The following GABRG1 variants were observed in gnomAD, a reference collection of about 807,000 sequenced individuals.
The protein encoded by GABRG1 is gamma-aminobutyric acid type A receptor subunit gamma1.
In GABRG1, 49 loss-of-function variants were observed where a neutral mutation model predicts 49.8. The ratio of observed to expected loss-of-function variants is 0.98; its 90% CI spans 0.78 to 1.25. The LOEUF is 1.25. Among genes scored for constraint, GABRG1 ranks in the 50% most tolerant of loss-of-function variants. The pLI, the probability that GABRG1 is intolerant of heterozygous loss-of-function variation, is 0.00. For synonymous variants in GABRG1, 232 were observed against 185.1 expected (o/e 1.25, Z -2.06); for missense variants, 552 against 552.3 (o/e 1.00, Z 0.01).
chr4:46,039,108 A>G lies in GABRG1; in HGVS notation c.*1880T>C, dbSNP rs2109388801. On this transcript the variant is annotated 3_prime_UTR_variant, in exon 9 of 9. Transcript: ENST00000295452. ...TTAGTAAAGTATTTTATTCTTTATT[A>G]CTACTTTATTTTTTATTTATCCTTA... The G allele has an allele frequency of 6.6e-6, 1 of 151,872 alleles. No homozygotes were observed. The highest frequency in any genetic ancestry group is 2.1e-4 in the South Asian group (1 of 4,822). 9.4% of individuals were successfully genotyped at this position (151,872 alleles called of 1,614,324 possible).
intron 8 of GABRG1, among the ~76,000 whole-genome samples, chr4:46,045,862 G>A (rs1197194511): frequency 6.6e-6 from 1 of 151,856 alleles, no homozygotes; most frequent in Non-Finnish European, 1.5e-5. Flanking sequence ...AATACACCAG[G>A]TCAATAACTA....
In GABRG1 at chr4:46,063,083, G is replaced by T. The variant is rs1025173114; in HGVS notation, c.625+1358C>A. The stretch of plus-strand genomic sequence containing the variant: ...AGGAAGAATCAATATCGTGAAAATG[G>T]CCATCCTGCCCAAGGTAATTTATAG... On this transcript the variant is annotated intron_variant, in intron 5 of 8. Transcript: ENST00000295452. 5.3e-4 allele frequency among the ~76,000 whole-genome samples: 80 copies of T among 151,074 alleles called. 1 individual carries two copies. Among genetic ancestry groups the T allele is most frequent in the Middle Eastern group, 3.4e-3 (1 of 294 alleles).
chr4:46,081,313 A>G (rs1156829395), intron 3 of GABRG1, among the ~76,000 whole-genome samples: 1 of 151,962 alleles, frequency 6.6e-6, no homozygotes. Flanking sequence ...CTTCTAGGTC[A>G]GTCTATTGGA....
At position 46,097,343 on chromosome 4, in the gene GABRG1, A is replaced by G; in HGVS notation, c.111T>C (p.Asp37=). The G allele has an allele frequency of 6.2e-7, 1 of 1,605,322 alleles. No homozygotes were observed. The highest frequency in any genetic ancestry group is 8.5e-7 in the Non-Finnish European group (1 of 1,176,114). ...CCTCATCATCTTCATCATCTGCCTT[A>G]TCAACACTAAATAATTCAAAGAAAA... ...LLTLHLGNCV[D]KADDEDDEDL... Residue 37 remains aspartate (D), a synonymous_variant, in exon 2 of 9, where the codon GAT becomes GAC. Transcript: ENST00000295452.
chr4:46,059,512 C>T (rs905756009), intron 5 of GABRG1, among the ~76,000 whole-genome samples: 8 of 152,026 alleles, frequency 5.3e-5, no homozygotes, highest in Non-Finnish European at 7.4e-5. Flanking sequence ...CTCAGCCTCC[C>T]AAGTAGCTGA....
chr4:46,043,253 A>G (rs555883188), intron 8 of GABRG1, among the ~76,000 whole-genome samples: 1 of 152,096 alleles, frequency 6.6e-6, no homozygotes, highest in South Asian at 2.1e-4. Context: ...GTGCACTAAA[A>G]TGAACAAAAA....
chr4:46,059,605 G>T (rs949826364), intron 5 of GABRG1, among the ~76,000 whole-genome samples: 1 of 151,752 alleles, frequency 6.6e-6, no homozygotes, highest in Non-Finnish European at 1.5e-5. Context: ...TAGAGACAGG[G>T]TTTTGCCATG....
intron 8 of GABRG1, among the ~76,000 whole-genome samples, chr4:46,043,108 ATTGT>A (rs1717847319): frequency 6.6e-6 from 1 of 151,988 alleles, no homozygotes; most frequent in Non-Finnish European, 1.5e-5. Flanking sequence ...ATTTTAAAAA[ATTGT>A]TAGGAGGCAA....
chr4:46,062,645 C>T (rs1718744889), intron 5 of GABRG1, among the ~76,000 whole-genome samples: 1 of 152,132 alleles, frequency 6.6e-6, no homozygotes, highest in Admixed American at 6.6e-5. Flanking sequence ...AGCATTTTTT[C>T]ATGTGTCTTT....
At chr4:46,056,570 C>T (rs1235051796) in intron 7 of GABRG1, among the ~76,000 whole-genome samples, 3 of 152,128 alleles carry the variant, frequency 2.0e-5, no homozygotes, top group Non-Finnish European at 4.4e-5. Context: ...TCATGACTCA[C>T]TAAAATTTTA....
chr4:46,106,441 C>T (rs996710279), intron 1 of GABRG1, among the ~76,000 whole-genome samples: 1 of 151,428 alleles, frequency 6.6e-6, no homozygotes, highest in Non-Finnish European at 1.5e-5. Context: ...TCTTATACAA[C>T]AAAAGACTTT....
chr4:46,053,376 G>T lies in GABRG1; in HGVS notation c.917-1738C>A, dbSNP rs982456898. Among the ~76,000 whole-genome samples the T allele has an allele frequency of 2.0e-5, 3 of 151,812 alleles. No individual in the cohort carries two copies. The South Asian group carries it at 6.2e-4, about 31-fold the overall frequency. On this transcript the variant is annotated intron_variant, in intron 7 of 8. Coordinates refer to ENST00000295452, the MANE Select transcript of GABRG1 (RefSeq NM_173536.4). ...TAGTTGATGATAATTTCTTTTCAAAGTTTCTATATCCTAATTAACTTTTTC... is the reference window on the plus strand; with the variant it reads ...TAGTTGATGATAATTTCTTTTCAAATTTTCTATATCCTAATTAACTTTTTC...
At chr4:46,061,813 C>T (rs1270601991) in intron 5 of GABRG1, among the ~76,000 whole-genome samples, 1 of 146,028 alleles carries the variant, frequency 6.8e-6, no homozygotes, top group African/African-American at 2.5e-5. Flanking sequence ...TTACCACTTA[C>T]ATTTTTTTTT....
At chr4:46,054,944 C>T (rs1718375634) in intron 7 of GABRG1, among the ~76,000 whole-genome samples, 2 of 87,658 alleles carry the variant, frequency 2.3e-5, no homozygotes, top group Non-Finnish European at 2.2e-5. Flanking sequence ...AAAGGGAATG[C>T]TTCCAGTTTT....
At chr4:46,107,175 C>A (rs1720577071) in intron 1 of GABRG1, among the ~76,000 whole-genome samples, 1 of 151,018 alleles carries the variant, frequency 6.6e-6, no homozygotes, top group Non-Finnish European at 1.5e-5. Context: ...ATTTTTTGTA[C>A]CCATTATGTG....
intron 2 of GABRG1, among the ~76,000 whole-genome samples, chr4:46,094,671 C>T (rs1435561388): frequency 6.6e-6 from 1 of 151,818 alleles, no homozygotes; most frequent in African/African-American, 2.4e-5. Flanking sequence ...GTACCTCATG[C>T]TTCTACAAGG....
intron 5 of GABRG1, among the ~76,000 whole-genome samples, chr4:46,060,904 T>C (rs1329815745): frequency 6.6e-6 from 1 of 152,142 alleles, no homozygotes; most frequent in Non-Finnish European, 1.5e-5. Flanking sequence ...ATATTAATTT[T>C]TAAAATTGGG....
chr4:46,109,844 A>C (rs904024867), intron 1 of GABRG1, among the ~76,000 whole-genome samples: 20 of 151,110 alleles, frequency 1.3e-4, no homozygotes, highest in Non-Finnish European at 3.0e-5. Flanking sequence ...CTTGGTATTG[A>C]TATCTATTTT....
At chr4:46,092,766 T>TA (rs2109428628) in intron 2 of GABRG1, among the ~76,000 whole-genome samples, 1 of 151,742 alleles carries the variant, frequency 6.6e-6, no homozygotes, top group Non-Finnish European at 1.5e-5. Context: ...AAAAAGATAT[T>TA]AAAAAATCAA....
Sources: allele counts gnomAD v4.1 joint callset (sites outside exome capture counted in the v4.1 genomes callset), GRCh38; gene constraint gnomAD v4.1.1; transcripts MANE v1.5; gene names NCBI Gene and HGNC (gene_info 2026-07-23, HGNC 2026-07-21).